The following NXPE1 variants were observed in gnomAD, a reference collection of about 807,000 sequenced individuals.
The protein encoded by NXPE1 is neurexophilin and PC-esterase domain family member 1, also known as NXPE family member 1.
A neutral mutation model predicts 33.3 loss-of-function variants in NXPE1; 31 were observed. The ratio of observed to expected loss-of-function variants is 0.93; its 90% CI spans 0.70 to 1.26. NXPE1 has a LOEUF of 1.26. Ranked by LOEUF, NXPE1 falls within the 50% of genes most tolerant of loss-of-function variation. NXPE1 has a pLI of 0.00. For synonymous variants in NXPE1, 229 were observed against 231.4 expected (o/e 0.99, Z 0.09); for missense variants, 661 against 655.6 (o/e 1.01, Z -0.09).
chr11:114,556,079 CA>C (rs1214094056), intron 1 of NXPE1, among the ~76,000 whole-genome samples: 7 of 152,118 alleles, frequency 4.6e-5, no homozygotes, highest in African/African-American at 7.2e-5. Flanking sequence ...GACAAATCTA[CA>C]AAAAGCCTAC....
rs1947223357 is a variant in NXPE1 at position 114,522,023 on chromosome 11, G to A, written c.1589C>T (p.Pro530Leu). The stretch of plus-strand genomic sequence containing the variant: ...CTGATTTCCAATCACATGATCAGGT[G>A]GGTGGATAGTGTCAGTGCCATATGC... The change falls in exon 9 of 9, where the codon CCA (proline) becomes CTA (leucine). Residue 530 changes from proline to leucine, a missense_variant. Physicochemically the swap from Pro to Leu is moderately conservative, Grantham distance 98. Coordinates refer to ENST00000534921, the Ensembl canonical transcript of NXPE1. 3 of 1,613,806 alleles carry A rather than the reference G, an allele frequency of 1.9e-6. No individual in the cohort carries two copies. In the East Asian group the frequency reaches 6.7e-5, roughly 36 times the overall value.
intron 6 of NXPE1, 124 bp from the exon 7 acceptor site, chr11:114,528,025 G>A (rs374323318): frequency 1.1e-5 from 7 of 625,380 alleles, no homozygotes; most frequent in Admixed American, 9.5e-5. Context: ...TATTATTGTT[G>A]TAAATTTTAG....
chr11:114,546,227 G>A (rs1305565440), intron 5 of NXPE1, among the ~76,000 whole-genome samples: 1 of 152,146 alleles, frequency 6.6e-6, no homozygotes, highest in African/African-American at 2.4e-5. Flanking sequence ...TGAAACCATT[G>A]TATGTGTATG....
chr11:114,530,883 A>G (rs766006620), exon 6 of NXPE1: 3 of 1,612,466 alleles, frequency 1.9e-6, no homozygotes, highest in Non-Finnish European at 2.5e-6. Context: ...ATGGACAGAG[A>G]TGGATAAGTT....
chr11:114,541,929 T>G (rs1451185738), intron 5 of NXPE1, among the ~76,000 whole-genome samples: 1 of 152,204 alleles, frequency 6.6e-6, no homozygotes, highest in African/African-American at 2.4e-5. Context: ...GTTTATCAAT[T>G]GTGTTTAGAC....
intron 5 of NXPE1, among the ~76,000 whole-genome samples, chr11:114,548,160 G>T (rs1316514570): frequency 1.3e-5 from 2 of 152,054 alleles, no homozygotes; most frequent in Non-Finnish European, 2.9e-5. Flanking sequence ...TTTATGCACC[G>T]AGTACAGAGA....
At chr11:114,531,573 C>T (rs1052968561) in intron 5 of NXPE1, among the ~76,000 whole-genome samples, 1 of 152,130 alleles carries the variant, frequency 6.6e-6, no homozygotes, top group African/African-American at 2.4e-5. Context: ...TCTTGTAATT[C>T]TTGGGTAAAA....
At chr11:114,528,518 G>A (rs1947452658) in intron 6 of NXPE1, among the ~76,000 whole-genome samples, 1 of 152,166 alleles carries the variant, frequency 6.6e-6, no homozygotes, top group African/African-American at 2.4e-5. Flanking sequence ...AAGATCATAA[G>A]CTTTATGAAG....
chr11:114,539,383 T>C (rs193184014), intron 5 of NXPE1, among the ~76,000 whole-genome samples: 1 of 152,068 alleles, frequency 6.6e-6, no homozygotes, highest in Admixed American at 6.5e-5. Context: ...TGTATACATA[T>C]GTAACAAACC....
At chr11:114,532,234 T>C (rs977406165) in intron 5 of NXPE1, among the ~76,000 whole-genome samples, 6 of 152,184 alleles carry the variant, frequency 3.9e-5, no homozygotes, top group Non-Finnish European at 5.9e-5. Flanking sequence ...TTAAAAAAGA[T>C]GAACAGAACC....
At chr11:114,551,202 G>A in exon 5 of NXPE1, 1 of 1,522,240 alleles carries the variant, frequency 6.6e-7, no homozygotes, top group Non-Finnish European at 8.8e-7. Context: ...TTGAGGACAT[G>A]ACGAATGTCC....
chr11:114,531,208 T>C lies in NXPE1; in HGVS notation c.100-300A>G, dbSNP rs190155773. On this transcript the variant is annotated intron_variant, in intron 5 of 8. Coordinates refer to ENST00000534921, the Ensembl canonical transcript of NXPE1. ...TTACCTCAATATTTTAGAGAATGTC[T>C]GAACAGTTGTAGATATATTCAATCC... 6.6e-5 allele frequency among the ~76,000 whole-genome samples: 10 copies of C among 152,298 alleles called. No individual in the cohort carries two copies. The East Asian group carries it at 1.9e-3, about 29-fold the overall frequency.
At chr11:114,536,425 C>T (rs1483396341) in intron 5 of NXPE1, among the ~76,000 whole-genome samples, 1 of 152,088 alleles carries the variant, frequency 6.6e-6, no homozygotes, top group African/African-American at 2.4e-5. Flanking sequence ...CAAGAAATAA[C>T]TAAGATCAGA....
At position 114,552,359 on chromosome 11, in the gene NXPE1, AT is replaced by A. The variant is rs199527346; in HGVS notation, c.-181-275del. ...TGTGTCACACACTATATTGCAATAG[AT>A]TATTTACTTTTTGATTTCCAAAAGA... On this transcript the variant is annotated intron_variant, in intron 2 of 8. Coordinates refer to ENST00000534921, the Ensembl canonical transcript of NXPE1. Among the ~76,000 whole-genome samples, 675 of 152,290 alleles carry A rather than the reference AT, an allele frequency of 4.4e-3. 25 individuals carry two copies. The East Asian group carries it at 0.091, about 21-fold the overall frequency.
At position 114,545,220 on chromosome 11, in the gene NXPE1, T is replaced by G. The variant is rs1190607796; in HGVS notation, c.99+5883A>C. Reference sequence around the variant, plus strand: ...TAGCAGTTTTTCTCCTGTATACATATCCAGTTGATTTGAATGCTTATGTCC... The same window carrying G: ...TAGCAGTTTTTCTCCTGTATACATAGCCAGTTGATTTGAATGCTTATGTCC... On this transcript the variant is annotated intron_variant, in intron 5 of 8. Coordinates refer to ENST00000534921, the Ensembl canonical transcript of NXPE1. 2.0e-5 allele frequency among the ~76,000 whole-genome samples: 3 copies of G among 152,182 alleles called. No individual in the cohort carries two copies. The East Asian group carries it at 5.8e-4, about 29-fold the overall frequency.
intron 5 of NXPE1, among the ~76,000 whole-genome samples, chr11:114,540,217 A>C (rs1383088353): frequency 6.6e-6 from 1 of 152,182 alleles, no homozygotes; most frequent in Non-Finnish European, 1.5e-5. Flanking sequence ...TCGGCCTCCC[A>C]AAGTGCTGGG....
At chr11:114,545,034 G>A (rs916362975) in intron 5 of NXPE1, among the ~76,000 whole-genome samples, 15 of 152,054 alleles carry the variant, frequency 9.9e-5, no homozygotes, top group African/African-American at 2.9e-4. Flanking sequence ...CAATTAGAAT[G>A]GCTAAAATTT....
chr11:114,554,358 G>C lies in NXPE1; in HGVS notation c.-210-1478C>G, dbSNP rs188919708. On this transcript the variant is annotated intron_variant, in intron 1 of 8. Transcript: ENST00000534921. ...CTCTTCCTACTTGTGTAAATGAGAGGGGGCAGCAGCCTAGCTTAGACCACA... is the reference window on the plus strand; with the variant it reads ...CTCTTCCTACTTGTGTAAATGAGAGCGGGCAGCAGCCTAGCTTAGACCACA... 640 of 985,154 alleles carry C rather than the reference G, an allele frequency of 6.5e-4. 3 individuals are homozygous for C. In the African/African-American group the frequency reaches 0.011, roughly 16 times the overall value. The allele number at this position is 985,154 out of a possible 1,614,324, so 61.0% of individuals were successfully genotyped here.
At chr11:114,551,146 A>G (rs1389374392) in exon 5 of NXPE1, 7 of 1,534,200 alleles carry the variant, frequency 4.6e-6, no homozygotes, top group Non-Finnish European at 6.1e-6. Flanking sequence ...CCAGGTTACT[A>G]CTGAAAAAGA....
Sources: allele counts gnomAD v4.1 joint callset (sites outside exome capture counted in the v4.1 genomes callset), GRCh38; gene constraint gnomAD v4.1.1; transcripts MANE v1.5; gene names NCBI Gene and HGNC (gene_info 2026-07-23, HGNC 2026-07-21).